CADM4: variants seen among roughly 807,000 people sequenced by gnomAD.
CADM4 encodes TSLC1-like 2.
In CADM4, 13 loss-of-function variants were observed where a neutral mutation model predicts 43.9. That is an observed-to-expected ratio of 0.30 (90% confidence interval 0.19 to 0.47). CADM4 has a LOEUF of 0.47. Among genes scored for constraint, CADM4 ranks in the 20% least tolerant of loss-of-function variants. The pLI, the probability that CADM4 is intolerant of heterozygous loss-of-function variation, is 1.00. For missense variants in CADM4, 420 were observed against 527.0 expected (o/e 0.80, Z 1.99); for synonymous variants, 209 against 220.9 (o/e 0.95, Z 0.48).
Position 43,625,804 on chromosome 19 carries a change from C to T in CADM4, c.755+107G>A. ...GTCCTAGCTCCCTGTTTGTCCAGGT[C>T]CTCAGCTCTCTCCTCCTTAGGACCC... On this transcript the variant is annotated intron_variant, in intron 6 of 8. Coordinates refer to ENST00000222374, the MANE Select transcript of CADM4 (RefSeq NM_145296.2). This position sits in a 1 kb window ranked among gnomAD's most constrained non-coding sequence, Gnocchi z 4.5. 1.1e-6 allele frequency: 1 copy of T among 910,388 alleles called. No individual in the cohort carries two copies. The highest frequency in any genetic ancestry group is 1.7e-6 in the Non-Finnish European group (1 of 578,484). 56.4% of individuals were successfully genotyped at this position (910,388 alleles called of 1,614,324 possible).
chr19:43,630,285 T>TC (rs1291043497), intron 1 of CADM4, among the ~76,000 whole-genome samples: 11 of 135,864 alleles, frequency 8.1e-5, no homozygotes, highest in African/African-American at 3.2e-4. Flanking sequence ...TCTTTTCTTT[T>TC]TTTTTTTTTT....
At position 43,630,022 on chromosome 19, in the gene CADM4, C is replaced by T. The variant is rs927987054; in HGVS notation, c.65-2232G>A. On this transcript the variant is annotated intron_variant, in intron 1 of 8. Transcript: ENST00000222374. ...CTCCCAGGCTCGAGTGATCCCACCTCAGCCTCCCCAGTAGCTGGAACTACA... is the reference window on the plus strand; with the variant it reads ...CTCCCAGGCTCGAGTGATCCCACCTTAGCCTCCCCAGTAGCTGGAACTACA... Among the ~76,000 whole-genome samples, 3 of 152,186 alleles carry T rather than the reference C, an allele frequency of 2.0e-5. No individual in the cohort carries two copies. In the South Asian group the frequency reaches 6.2e-4, roughly 32 times the overall value.
Position 43,633,414 on chromosome 19 carries a change from T to C in CADM4, c.65-5624A>G, listed in dbSNP as rs533751650. On this transcript the variant is annotated intron_variant, in intron 1 of 8. Transcript: ENST00000222374. ...TTCCTCACCATTGCTTTATTTCTTC[T>C]ATGAAGATTTCACTGGAATTATCAG... Among the ~76,000 whole-genome samples, 3 of 152,298 alleles carry C rather than the reference T, an allele frequency of 2.0e-5. 1 individual carries two copies. In the South Asian group the frequency reaches 6.2e-4, roughly 32 times the overall value.
At chr19:43,639,201 T>C (rs891080637) in intron 1 of CADM4, among the ~76,000 whole-genome samples, 2 of 146,904 alleles carry the variant, frequency 1.4e-5, no homozygotes, top group African/African-American at 2.5e-5. Context: ...GACAGGATGA[T>C]GGAGGGGACA....
Position 43,626,193 on chromosome 19 carries a change from AGAT to A in CADM4, c.592_594del (p.Ile198del). 6.2e-7 allele frequency: 1 copy of A among 1,613,756 alleles called. No homozygotes were observed. The highest frequency in any genetic ancestry group is 8.5e-7 in the Non-Finnish European group (1 of 1,179,972). Reference sequence around the variant, plus strand: ...GGCAGCGCCTGGTTCTGCGCCTCACAGATGATGATACCACCGTCGTCCTTACGG... The same window carrying A: ...GGCAGCGCCTGGTTCTGCGCCTCACAGATGATACCACCGTCGTCCTTACGG... On this transcript the variant is annotated inframe_deletion, in exon 5 of 9. Transcript: ENST00000222374. The surrounding 1 kb of genome is among the most constrained non-coding windows in gnomAD (Gnocchi z 5.9).
In CADM4 at chr19:43,623,257, G is replaced by T; in HGVS notation, c.*73C>A. The T allele has an allele frequency of 1.9e-6, 2 of 1,059,822 alleles. No individual in the cohort carries two copies. Among genetic ancestry groups the T allele is most frequent in the Non-Finnish European group, 2.9e-6 (2 of 682,896 alleles). The allele number at this position is 1,059,822 out of a possible 1,614,324, so 65.7% of individuals were successfully genotyped here. A position where few individuals can be genotyped will look rare whatever the true frequency, so the allele number is the denominator to read the frequency against. On this transcript the variant is annotated 3_prime_UTR_variant, in exon 9 of 9. Coordinates refer to ENST00000222374, the MANE Select transcript of CADM4 (RefSeq NM_145296.2). The surrounding 1 kb of genome is among the most constrained non-coding windows in gnomAD (Gnocchi z 4.4). ...ATCCCAGACTCTGGTAAATGTCTTT[G>T]CTGGTTCCTTGCAGCTGGCAGTGGG...
At chr19:43,624,839 A>G (rs1335247994) in intron 7 of CADM4, 1 of 549,672 alleles carries the variant, frequency 1.8e-6, no homozygotes, top group East Asian at 3.1e-5. Context: ...GCCTTGTTAT[A>G]TAGGTGCTAT....
At chr19:43,634,379 T>C (rs939010762) in intron 1 of CADM4, among the ~76,000 whole-genome samples, 1 of 152,116 alleles carries the variant, frequency 6.6e-6, no homozygotes, top group African/African-American at 2.4e-5. Context: ...GAATGAGGCT[T>C]AGCGGGTCCC....
upstream of CADM4, chr19:43,639,899 C>T (rs1269102777): frequency 4.4e-5 from 38 of 854,946 alleles, no homozygotes; most frequent in Middle Eastern, 5.9e-4. Flanking sequence ...GGGGGCGGGG[C>T]GCCGAGGCCG....
chr19:43,641,464 A>G (rs1340683677), upstream of CADM4, among the ~76,000 whole-genome samples: 2 of 152,038 alleles, frequency 1.3e-5, no homozygotes, highest in Non-Finnish European at 2.9e-5. Context: ...CCAAGCTCCC[A>G]TCAACTCCTG....
intron 1 of CADM4, among the ~76,000 whole-genome samples, chr19:43,631,033 C>G (rs976214323): frequency 3.9e-5 from 6 of 151,998 alleles, no homozygotes; most frequent in Non-Finnish European, 7.4e-5. Context: ...AAGGTAGGAA[C>G]CAATCACGGT....
Position 43,625,281 on chromosome 19 carries a change from G to C in CADM4, c.756-31C>G. 3 of 1,588,376 alleles carry C rather than the reference G, an allele frequency of 1.9e-6. No individual in the cohort carries two copies. Among genetic ancestry groups the C allele is most frequent in the Non-Finnish European group, 2.6e-6 (3 of 1,164,000 alleles). On this transcript the variant is annotated intron_variant, in intron 6 of 8. Transcript: ENST00000222374. This position sits in a 1 kb window ranked among gnomAD's most constrained non-coding sequence, Gnocchi z 4.5. Reference sequence around the variant, plus strand: ...TGGGGATAAAGTATAGTGAGAGTTAGGAACCGAGGTGCCAGCACCCAATTC... The same window carrying C: ...TGGGGATAAAGTATAGTGAGAGTTACGAACCGAGGTGCCAGCACCCAATTC...
Position 43,623,971 on chromosome 19 carries a change from C to A in CADM4, c.1057+143G>T, listed in dbSNP as rs1973481461. 1.0e-6 allele frequency: 1 copy of A among 992,370 alleles called. No homozygotes were observed. Among genetic ancestry groups the A allele is most frequent in the South Asian group, 1.6e-5 (1 of 62,944 alleles). The allele number at this position is 992,370 out of a possible 1,614,324, so 61.5% of individuals were successfully genotyped here. On this transcript the variant is annotated intron_variant, in intron 8 of 8. Coordinates refer to ENST00000222374, the MANE Select transcript of CADM4 (RefSeq NM_145296.2). The surrounding 1 kb of genome is among the most constrained non-coding windows in gnomAD (Gnocchi z 4.4). ...GAGTATTGTGCCGAAAGCCCCGCCC[C>A]CTTTGTCATCTCCGCCCCCGGTGCG...
In CADM4 at chr19:43,628,822, C is replaced by T. The variant is rs562319703; in HGVS notation, c.65-1032G>A. On this transcript the variant is annotated intron_variant, in intron 1 of 8. Transcript: ENST00000222374. ...GTGAAAGAGAAGCCCAGCCGGCAGC[C>T]AGCACCAATCGCCAGCTGTGTGAGT... Among the ~76,000 whole-genome samples, 32 of 152,324 alleles carry T rather than the reference C, an allele frequency of 2.1e-4. 1 individual carries two copies. In the South Asian group the frequency reaches 3.3e-3, roughly 16 times the overall value.
intron 7 of CADM4, 136 bp downstream of exon 7, chr19:43,624,942 G>T: frequency 1.1e-6 from 1 of 939,416 alleles, no homozygotes; most frequent in Non-Finnish European, 1.6e-6. Flanking sequence ...TGAGCCCCGC[G>T]GGCCAGTCTG....
rs1241836668 is a variant in CADM4 at position 43,623,155 on chromosome 19, T to TA, written c.*174dup. The TA allele has an allele frequency of 4.8e-4, 297 of 613,504 alleles. 1 individual carries two copies. Among genetic ancestry groups the TA allele is most frequent in the Non-Finnish European group, 2.3e-5 (8 of 342,662 alleles). The allele number at this position is 613,504 out of a possible 1,614,324, so 38.0% of individuals were successfully genotyped here. A position where few individuals can be genotyped will look rare whatever the true frequency, so the allele number is the denominator to read the frequency against. On this transcript the variant is annotated 3_prime_UTR_variant, in exon 9 of 9. Transcript: ENST00000222374. The surrounding 1 kb of genome is among the most constrained non-coding windows in gnomAD (Gnocchi z 4.4). Reference sequence around the variant, plus strand: ...CCTCTGGGCCCTCACTTCTGGCCCTTACAGAGATCCAGGCATCCAACACCC... The same window carrying TA: ...CCTCTGGGCCCTCACTTCTGGCCCTTAACAGAGATCCAGGCATCCAACACCC...
chr19:43,636,191 C>T (rs1245161483), intron 1 of CADM4, among the ~76,000 whole-genome samples: 2 of 152,096 alleles, frequency 1.3e-5, no homozygotes, highest in African/African-American at 4.8e-5. Context: ...CAGGTGGGGG[C>T]GTAGGGGTGA....
upstream of CADM4, chr19:43,639,914 G>T: frequency 1.3e-6 from 1 of 753,988 alleles, no homozygotes; most frequent in Non-Finnish European, 1.6e-6. Context: ...AGGCCGGGGC[G>T]GGGCCGGGGA....
chr19:43,635,712 C>T (rs1439140762), intron 1 of CADM4, among the ~76,000 whole-genome samples: 1 of 149,088 alleles, frequency 6.7e-6, no homozygotes, highest in Non-Finnish European at 1.5e-5. Context: ...AGATCCCAGG[C>T]CCCTCCTCCC....
Sources: gnomAD v4.1 joint callset for allele counts (sites outside exome capture counted in the v4.1 genomes callset) on GRCh38, gnomAD v4.1.1 for gene constraint, Gnocchi (gnomAD v3.1) non-coding constraint, MANE v1.5 for transcripts, NCBI Gene and HGNC (gene_info 2026-07-23, HGNC 2026-07-21) for gene names.